Variants in RGS7 observed in about 807,000 individuals in gnomAD.
RGS7 encodes regulator of G protein signaling 7.
RGS7 carries 27 observed loss-of-function variants against 81.1 expected under a neutral mutation model. That is an observed-to-expected ratio of 0.33 (90% confidence interval 0.25 to 0.46). RGS7 has a LOEUF of 0.46. RGS7 is among the 20% of genes least tolerant of loss of function. The pLI is 1.00. For missense variants in RGS7, 396 were observed against 607.4 expected (o/e 0.65, Z 3.66); for synonymous variants, 208 against 207.7 (o/e 1.00, Z -0.01).
intron 3 of RGS7, among the ~76,000 whole-genome samples, chr1:240,996,586 C>T (rs1262243348): frequency 1.3e-5 from 2 of 152,098 alleles, no homozygotes; most frequent in African/African-American, 4.8e-5. Flanking sequence ...CTTGTGGTGA[C>T]GTCTGCTTCA....
intron 11 of RGS7, among the ~76,000 whole-genome samples, chr1:240,816,084 G>A (rs960734060): frequency 1.3e-4 from 20 of 152,082 alleles, no homozygotes; most frequent in Non-Finnish European, 2.5e-4. Context: ...CAAGGATTTG[G>A]GTAAATAAAG....
At chr1:241,082,473 C>T (rs761757683) in intron 3 of RGS7, among the ~76,000 whole-genome samples, 1 of 152,178 alleles carries the variant, frequency 6.6e-6, no homozygotes, top group Non-Finnish European at 1.5e-5. Flanking sequence ...GAAAATAAGT[C>T]AGAGCTTGTC....
chr1:240,825,865 A>C (rs1235335979), intron 10 of RGS7, among the ~76,000 whole-genome samples: 1 of 152,200 alleles, frequency 6.6e-6, no homozygotes, highest in Non-Finnish European at 1.5e-5. Context: ...TATCTTGTTA[A>C]TCCATATGCA....
At position 240,868,158 on chromosome 1, in the gene RGS7, G is replaced by GAAAGAAAC. The variant is rs58571370; in HGVS notation, c.609+428_609+429insGTTTCTTT. Among the ~76,000 whole-genome samples the GAAAGAAAC allele has an allele frequency of 6.7e-6, 1 of 149,356 alleles. No individual in the cohort carries two copies. The highest frequency in any genetic ancestry group is 1.5e-5 in the Non-Finnish European group (1 of 67,300). ...AGAAAGAAAGAAAGAAAGAAAGAAA[G>GAAAGAAAC]GACGGAGGGAGGGAAGGACGAAGGA... is the stretch of plus-strand genomic sequence containing the variant. On this transcript the variant is annotated intron_variant, in intron 9 of 18. Coordinates refer to ENST00000440928, the MANE Select transcript of RGS7 (RefSeq NM_001364886.1). The surrounding 1 kb of genome is among the most constrained non-coding windows in gnomAD (Gnocchi z 5.1).
chr1:241,204,055 G>A (rs2073708856), intron 2 of RGS7, among the ~76,000 whole-genome samples: 1 of 152,172 alleles, frequency 6.6e-6, no homozygotes, highest in Non-Finnish European at 1.5e-5. Flanking sequence ...ATTACCAAAA[G>A]TAAATACTAT....
intron 2 of RGS7, among the ~76,000 whole-genome samples, chr1:241,137,252 G>T (rs1377835092): frequency 6.6e-6 from 1 of 151,908 alleles, no homozygotes; most frequent in Non-Finnish European, 1.5e-5. Flanking sequence ...CTCCTTGAGG[G>T]AAATTTATGT....
intron 9 of RGS7, among the ~76,000 whole-genome samples, chr1:240,860,267 T>C (rs1661965418): frequency 6.6e-6 from 1 of 152,194 alleles, no homozygotes; most frequent in Admixed American, 6.5e-5. Context: ...ACTGATTTTC[T>C]GCCTGCTTGA....
rs141833663 is a variant in RGS7 at position 241,100,745 on chromosome 1, C to T, written c.79-1983G>A. On this transcript the variant is annotated intron_variant, in intron 2 of 18. Coordinates refer to ENST00000440928, the MANE Select transcript of RGS7 (RefSeq NM_001364886.1). ...TAAAGTATTTTAAGGGCAAATGATA[C>T]AACATATATAAAGCCTGGTACATAT... Among the ~76,000 whole-genome samples the T allele has an allele frequency of 6.1e-3, 932 of 152,290 alleles. 15 individuals carry two copies. Among genetic ancestry groups the T allele is most frequent in the African/African-American group, 0.021 (889 of 41,558 alleles).
Position 241,306,640 on chromosome 1 carries a change from G to A in RGS7, c.78+49059C>T, listed in dbSNP as rs867979424. ...TACGCACATGTCCACACACATGCAC[G>A]TACCCTTTCACACACAAATACATGT... is the stretch of plus-strand genomic sequence containing the variant. On this transcript the variant is annotated intron_variant, in intron 2 of 18. Transcript: ENST00000440928. Among the ~76,000 whole-genome samples, 14 of 144,814 alleles carry A rather than the reference G, an allele frequency of 9.7e-5. 1 individual carries two copies. Among genetic ancestry groups the A allele is most frequent in the African/African-American group, 2.8e-4 (11 of 39,938 alleles).
chr1:240,919,559 T>A (rs1053996956), intron 6 of RGS7: 1 of 206,278 alleles, frequency 4.8e-6, no homozygotes, highest in African/African-American at 2.4e-5. Flanking sequence ...ACTAGAAATA[T>A]AGAGGAATGC....
intron 10 of RGS7, among the ~76,000 whole-genome samples, chr1:240,824,644 C>A (rs1692468484): frequency 6.6e-6 from 1 of 152,206 alleles, no homozygotes; most frequent in Admixed American, 6.5e-5. Context: ...CAGTGGCAAT[C>A]ACAAGCACGA....
downstream of RGS7, among the ~76,000 whole-genome samples, chr1:240,775,108 A>C (rs948525377): frequency 6.6e-6 from 1 of 152,220 alleles, no homozygotes; most frequent in Non-Finnish European, 1.5e-5. Flanking sequence ...ACCTCCAAAA[A>C]GTTAAGAGAC....
intron 3 of RGS7, among the ~76,000 whole-genome samples, chr1:241,003,378 G>A (rs941576304): frequency 1.1e-4 from 16 of 150,572 alleles, no homozygotes; most frequent in African/African-American, 3.7e-4. Context: ...GGAGAATGGC[G>A]TGAACCCAGG....
rs1051735353 is a variant in RGS7 at position 241,039,746 on chromosome 1, T to C, written c.176-56617A>G. 6.6e-5 allele frequency among the ~76,000 whole-genome samples: 10 copies of C among 152,170 alleles called. No individual in the cohort carries two copies. In the East Asian group the frequency reaches 9.6e-4, roughly 15 times the overall value. ...TCTCCATGCTCTTTCCCCATTTAGCTTGATGCAAACAAGCCAGAGACCTTG... is the reference window on the plus strand; with the variant it reads ...TCTCCATGCTCTTTCCCCATTTAGCCTGATGCAAACAAGCCAGAGACCTTG... On this transcript the variant is annotated intron_variant, in intron 3 of 18. Transcript: ENST00000440928.
At chr1:240,865,455 G>A (rs997762470) in intron 9 of RGS7, among the ~76,000 whole-genome samples, 5 of 152,178 alleles carry the variant, frequency 3.3e-5, no homozygotes, top group African/African-American at 9.7e-5. Flanking sequence ...GGGATTCTAC[G>A]TTGCTCAGGA....
intron 2 of RGS7, among the ~76,000 whole-genome samples, chr1:241,134,952 C>CCCCGGCCGGAGGACA (rs1558115635): frequency 6.6e-6 from 1 of 150,398 alleles, no homozygotes; most frequent in African/African-American, 2.4e-5. Context: ...AAGACACCTA[C>CCCCGGCCGGAGGACA]CCTGGCCGGA....
At chr1:240,799,913 T>A (rs1375233731) in intron 18 of RGS7, among the ~76,000 whole-genome samples, 4 of 152,194 alleles carry the variant, frequency 2.6e-5, no homozygotes, top group Non-Finnish European at 1.5e-5. Context: ...CATATGGTAC[T>A]ATTTTAAGAG....
chr1:241,251,960 G>A (rs749730829), intron 2 of RGS7, among the ~76,000 whole-genome samples: 5 of 152,042 alleles, frequency 3.3e-5, no homozygotes, highest in African/African-American at 9.7e-5. Flanking sequence ...GTGGGGCTGC[G>A]GAGCCTCGGA....
intron 2 of RGS7, among the ~76,000 whole-genome samples, chr1:241,291,299 G>A (rs1371860938): frequency 6.6e-6 from 1 of 151,104 alleles, no homozygotes; most frequent in Non-Finnish European, 1.5e-5. Context: ...TCAATGTGTG[G>A]TTTTTATTTC....
Sources: allele counts gnomAD v4.1 joint callset (sites outside exome capture counted in the v4.1 genomes callset), GRCh38; gene constraint gnomAD v4.1.1; non-coding constraint Gnocchi (gnomAD v3.1); transcripts MANE v1.5; gene names NCBI Gene and HGNC (gene_info 2026-07-23, HGNC 2026-07-21).